ADARB2: variants seen among roughly 807,000 people sequenced by gnomAD.
ADARB2 encodes the protein adenosine deaminase RNA specific B2 (inactive).
A neutral mutation model predicts 62.2 loss-of-function variants in ADARB2; 25 were observed. That is an observed-to-expected ratio of 0.40 (90% CI 0.29 to 0.56). ADARB2 has a LOEUF of 0.56. Ranked by LOEUF, ADARB2 falls within the 20% of genes least tolerant of loss-of-function variation. ADARB2 has a pLI of 0.43. For missense variants in ADARB2, 1,071 were observed against 1,077.4 expected (o/e 0.99, Z 0.08); for synonymous variants, 572 against 500.8 (o/e 1.14, Z -1.90).
At chr10:1,619,206 T>A (rs1832552650) in intron 1 of ADARB2, among the ~76,000 whole-genome samples, 1 of 149,984 alleles carries the variant, frequency 6.7e-6, no homozygotes, top group Non-Finnish European at 1.5e-5. Context: ...GCAGAGATCA[T>A]CAGATTAGAT....
chr10:1,665,033 G>A (rs1318492360), intron 1 of ADARB2, among the ~76,000 whole-genome samples: 1 of 152,150 alleles, frequency 6.6e-6, no homozygotes, highest in African/African-American at 2.4e-5. Context: ...CCTTGACCAG[G>A]GGCAAGGGGG....
At position 1,254,909 on chromosome 10, in the gene ADARB2, C is replaced by G. The variant is rs554104852; in HGVS notation, c.1193-12610G>C. Among the ~76,000 whole-genome samples the G allele has an allele frequency of 1.3e-3, 205 of 152,338 alleles. 1 individual carries two copies. Among genetic ancestry groups the G allele is most frequent in the African/African-American group, 4.3e-3 (178 of 41,570 alleles). Reference sequence around the variant, plus strand: ...TACCTGAGCTTCAAAGAATGGTGGGCAACTGATTAGTGAATCCCAAATGCT... The same window carrying G: ...TACCTGAGCTTCAAAGAATGGTGGGGAACTGATTAGTGAATCCCAAATGCT... On this transcript the variant is annotated intron_variant, in intron 4 of 9. Transcript: ENST00000381312.
At chr10:1,438,370 T>A (rs928492456) in intron 1 of ADARB2, among the ~76,000 whole-genome samples, 2 of 130,020 alleles carry the variant, frequency 1.5e-5, no homozygotes, top group Non-Finnish European at 3.1e-5. Context: ...CCTCAGCAGA[T>A]GGAAGGAGGT....
rs1029596942 is a variant in ADARB2 at position 1,343,017 on chromosome 10, A to C, written c.1077+20011T>G. 2.6e-5 allele frequency among the ~76,000 whole-genome samples: 4 copies of C among 152,232 alleles called. No homozygotes were observed. In the East Asian group the frequency reaches 7.7e-4, roughly 29 times the overall value. On this transcript the variant is annotated intron_variant, in intron 3 of 9. Transcript: ENST00000381312. ...GCAGACACAAGAACAGGGTGTGGTC[A>C]TGACCTGCTGGTTCCCAACAACACA... is the stretch of plus-strand genomic sequence containing the variant.
intron 1 of ADARB2, among the ~76,000 whole-genome samples, chr10:1,607,610 G>A (rs1833510247): frequency 6.6e-6 from 1 of 152,174 alleles, no homozygotes. Flanking sequence ...CTCTGCATCA[G>A]TGCCATTCAC....
At chr10:1,570,794 G>T (rs1026102186) in intron 1 of ADARB2, among the ~76,000 whole-genome samples, 7 of 152,160 alleles carry the variant, frequency 4.6e-5, no homozygotes, top group African/African-American at 1.7e-4. Flanking sequence ...AGGGACAGGG[G>T]GGCGCTGGAC....
intron 3 of ADARB2, among the ~76,000 whole-genome samples, chr10:1,279,218 C>T (rs1258049253): frequency 1.3e-5 from 2 of 152,082 alleles, no homozygotes; most frequent in South Asian, 2.1e-4. Flanking sequence ...TCTCTTGGCG[C>T]GTGGGTGCTG....
At chr10:1,359,423 C>G (rs149040701) in intron 3 of ADARB2, among the ~76,000 whole-genome samples, 2 of 152,190 alleles carry the variant, frequency 1.3e-5, no homozygotes, top group Non-Finnish European at 2.9e-5. Flanking sequence ...GAAACACCCC[C>G]GGGTGCAGGA....
intron 1 of ADARB2, among the ~76,000 whole-genome samples, chr10:1,702,948 C>T (rs1834841843): frequency 6.6e-6 from 1 of 152,344 alleles, no homozygotes; most frequent in East Asian, 1.9e-4. Flanking sequence ...GACTCATTTT[C>T]ATTGTCTTAC....
At chr10:1,694,896 G>A (rs1400620846) in intron 1 of ADARB2, among the ~76,000 whole-genome samples, 1 of 152,062 alleles carries the variant, frequency 6.6e-6, no homozygotes, top group Non-Finnish European at 1.5e-5. Context: ...GGGCACCTGA[G>A]CCACGTGCAT....
Position 1,360,693 on chromosome 10 carries a change from C to T in ADARB2, c.1077+2335G>A, listed in dbSNP as rs75255821. ...GGGAGGGTAAAATGGGCCCCTTGGA[C>T]GCCGCGTGCAGAGCAGAGATGAATG... On this transcript the variant is annotated intron_variant, in intron 3 of 9. Transcript: ENST00000381312. Among the ~76,000 whole-genome samples, 245 of 152,320 alleles carry T rather than the reference C, an allele frequency of 1.6e-3. 3 individuals are homozygous for T. The East Asian group carries it at 0.02, about 13-fold the overall frequency.
intron 2 of ADARB2, among the ~76,000 whole-genome samples, chr10:1,366,426 G>T (rs559162945): frequency 4.6e-5 from 7 of 152,240 alleles, no homozygotes; most frequent in African/African-American, 1.7e-4. Flanking sequence ...CTCCATGAGG[G>T]TTTACTACAA....
At chr10:1,429,963 A>AAATAT (rs1431523592) in intron 1 of ADARB2, among the ~76,000 whole-genome samples, 1 of 152,236 alleles carries the variant, frequency 6.6e-6, no homozygotes, top group Non-Finnish European at 1.5e-5. Flanking sequence ...AACAGAAATG[A>AAATAT]AATAATAACA....
intron 1 of ADARB2, among the ~76,000 whole-genome samples, chr10:1,639,701 G>A (rs1833955920): frequency 1.3e-5 from 2 of 152,148 alleles, no homozygotes; most frequent in Non-Finnish European, 2.9e-5. Flanking sequence ...AATTAGCTGG[G>A]TGTGGTGGCG....
chr10:1,454,711 G>A (rs1202554601), intron 1 of ADARB2, among the ~76,000 whole-genome samples: 1 of 152,122 alleles, frequency 6.6e-6, no homozygotes, highest in Admixed American at 6.5e-5. Flanking sequence ...GACAGTTTCA[G>A]TTCTGGAAGA....
chr10:1,272,746 T>C (rs1310570042), intron 3 of ADARB2, among the ~76,000 whole-genome samples: 1 of 152,240 alleles, frequency 6.6e-6, no homozygotes, highest in Non-Finnish European at 1.5e-5. Flanking sequence ...CTTTCGTGTC[T>C]GGAATCAGGT....
chr10:1,288,746 C>T (rs977253743), intron 3 of ADARB2, among the ~76,000 whole-genome samples: 18 of 152,218 alleles, frequency 1.2e-4, no homozygotes, highest in African/African-American at 4.3e-4. Flanking sequence ...CAGCCACCTG[C>T]ATCAAGACCA....
At chr10:1,206,939 G>A (rs1837075830) in intron 7 of ADARB2, among the ~76,000 whole-genome samples, 1 of 152,238 alleles carries the variant, frequency 6.6e-6, no homozygotes, top group Non-Finnish European at 1.5e-5. Flanking sequence ...GGTGGTGCTG[G>A]TGCAGGAGGG....
chr10:1,223,377 C>T (rs901582954), intron 6 of ADARB2, among the ~76,000 whole-genome samples: 1 of 152,176 alleles, frequency 6.6e-6, no homozygotes, highest in African/African-American at 2.4e-5. Context: ...GACAATTTGA[C>T]TTCCTCTTTT....
Sources: allele counts gnomAD v4.1 joint callset (sites outside exome capture counted in the v4.1 genomes callset), GRCh38; gene constraint gnomAD v4.1.1; transcripts MANE v1.5; gene names NCBI Gene and HGNC (gene_info 2026-07-23, HGNC 2026-07-21).